Variants in ECE2 observed in about 807,000 individuals in gnomAD.
ECE2 encodes endothelin converting enzyme 2, also known as endothelin-converting enzyme 2.
A neutral mutation model predicts 100.6 loss-of-function variants in ECE2; 81 were observed. The ratio of observed to expected loss-of-function variants is 0.81; its 90% CI spans 0.67 to 0.97. The LOEUF is 0.97. ECE2 is among the 50% of genes least tolerant of loss of function. The pLI is 0.00. For synonymous variants in ECE2, 391 were observed against 391.5 expected (o/e 1.00, Z 0.02); for missense variants, 911 against 988.1 (o/e 0.92, Z 1.05).
At position 184,277,387 on chromosome 3, in the gene ECE2, C is replaced by G; in HGVS notation, c.399C>G (p.Pro133=). ...FSCGGWIRRN[P]LPDGRSRWNT... is the part of the protein sequence containing the mutation. ...GTGGGGGCTGGATTCGGAGGAACCCCCTGCCCGATGGGCGTTCTCGCTGGA... is the reference window on the plus strand; with the variant it reads ...GTGGGGGCTGGATTCGGAGGAACCCGCTGCCCGATGGGCGTTCTCGCTGGA... Residue 133 remains proline, a synonymous_variant, in exon 4 of 19, where the codon CCC becomes CCG. Coordinates refer to ENST00000404464, the MANE Select transcript of ECE2 (RefSeq NM_001100121.2). 1.2e-6 allele frequency: 2 copies of G among 1,614,232 alleles called. No homozygotes were observed. The highest frequency in any genetic ancestry group is 3.3e-5 in the Admixed American group (2 of 60,036).
At chr3:184,288,036 C>T (rs937943771) in intron 11 of ECE2, 89 bp downstream of exon 11, 12 of 1,243,308 alleles carry the variant, frequency 9.7e-6, no homozygotes, top group South Asian at 2.6e-5. Flanking sequence ...GGGAGCCAGG[C>T]GCGGTGGCTC....
intron 7 of ECE2, among the ~76,000 whole-genome samples, chr3:184,280,800 G>A (rs1720785981): frequency 6.6e-6 from 1 of 152,070 alleles, no homozygotes; most frequent in South Asian, 2.1e-4. Flanking sequence ...CTAACATGGT[G>A]AAACCCCATC....
At position 184,292,156 on chromosome 3, in the gene ECE2, C is replaced by G. The variant is rs1417891702; in HGVS notation, c.2216C>G (p.Ser739Cys). ...PARFRVLGTL[S>C]NSRDFLRHFG... Reference sequence around the variant, plus strand: ...CGCTTCCGCGTGCTGGGCACTCTCTCCAACTCCCGTGACTTCCTGCGGCAC... The same window carrying G: ...CGCTTCCGCGTGCTGGGCACTCTCTGCAACTCCCGTGACTTCCTGCGGCAC... The change falls in exon 19 of 19, where the codon TCC becomes TGC. Residue 739 changes from serine to cysteine, a missense_variant. Transcript: ENST00000404464. 4 of 1,614,026 alleles carry G rather than the reference C, an allele frequency of 2.5e-6. No individual in the cohort carries two copies. The African/African-American group carries it at 5.3e-5, about 22-fold the overall frequency.
Position 184,285,121 on chromosome 3 carries a change from A to G in ECE2, c.1148+16A>G. ...CGGAACCAAGGTGTGGGGGTAGCCCAGGGTGAGGGTGGGTTCTGTGGAGGT... is the reference window on the plus strand; with the variant it reads ...CGGAACCAAGGTGTGGGGGTAGCCCGGGGTGAGGGTGGGTTCTGTGGAGGT... On this transcript the variant is annotated intron_variant, in intron 9 of 18. Transcript: ENST00000404464. 1.9e-6 allele frequency: 3 copies of G among 1,611,362 alleles called. No individual in the cohort carries two copies. Among genetic ancestry groups the G allele is most frequent in the South Asian group, 2.2e-5 (2 of 90,618 alleles).
chr3:184,288,277 T>G (rs1577144879), intron 11 of ECE2, among the ~76,000 whole-genome samples: 2 of 121,090 alleles, frequency 1.7e-5, no homozygotes, highest in South Asian at 5.6e-4. Context: ...GCCAGTGCAC[T>G]CCAGCCTGGG....
In ECE2 at chr3:184,291,976, T is replaced by A; in HGVS notation, c.2122-86T>A. ...TGGGAGGGGCTGCAGCGGTGGTGGT[T>A]TGTGCCCCTGGGATGGCTGTAGCTG... On this transcript the variant is annotated intron_variant, in intron 18 of 18. Coordinates refer to ENST00000404464, the MANE Select transcript of ECE2 (RefSeq NM_001100121.2). The surrounding 1 kb of genome is among the most constrained non-coding windows in gnomAD (Gnocchi z 4.1). 1 of 1,478,226 alleles carries A rather than the reference T, an allele frequency of 6.8e-7. No individual in the cohort carries two copies. The highest frequency in any genetic ancestry group is 2.3e-5 in the East Asian group (1 of 43,584). The allele number at this position is 1,478,226 out of a possible 1,614,324, so 91.6% of individuals were successfully genotyped here. A position where few individuals can be genotyped will look rare whatever the true frequency, so the allele number is the denominator to read the frequency against.
At chr3:184,288,007 A>G in intron 11 of ECE2, 60 bp downstream of exon 11, 1 of 1,521,686 alleles carries the variant, frequency 6.6e-7, no homozygotes, top group South Asian at 1.1e-5. Flanking sequence ...ATGTATGTGC[A>G]GACATATAGA....
rs1198145968 is a variant in ECE2, at chr3:184,291,764, G to A, written c.2122-298G>A. The A allele has an allele frequency of 9.7e-6, 5 of 514,972 alleles. No individual in the cohort carries two copies. The highest frequency in any genetic ancestry group is 3.0e-5 in the East Asian group (1 of 33,484). 31.9% of individuals were successfully genotyped at this position (514,972 alleles called of 1,614,324 possible). A position where few individuals can be genotyped will look rare whatever the true frequency, so the allele number is the denominator to read the frequency against. ...CTGTTCCTGTGAGGGAGACATGCAG[G>A]AAACGAAAGCTCGGGACGCAGAGTG... On this transcript the variant is annotated intron_variant, in intron 18 of 18. Coordinates refer to ENST00000404464, the MANE Select transcript of ECE2 (RefSeq NM_001100121.2). This position sits in a 1 kb window ranked among gnomAD's most constrained non-coding sequence, Gnocchi z 4.1.
At position 184,291,397 on chromosome 3, in the gene ECE2, G is replaced by C. The variant is rs756266446; in HGVS notation, c.2079G>C (p.Val693=). The C allele has an allele frequency of 1.9e-6, 3 of 1,607,064 alleles. 1 individual carries two copies. The South Asian group carries it at 3.3e-5, about 18-fold the overall frequency. Residue 693 remains valine (V), a synonymous_variant, in exon 18 of 19, where the codon GTG becomes GTC. Coordinates refer to ENST00000404464, the MANE Select transcript of ECE2 (RefSeq NM_001100121.2). The surrounding 1 kb of genome is among the most constrained non-coding windows in gnomAD (Gnocchi z 4.1). ...GGGAGGAGCAGCAACTGCCAGCCGTGGGGCTCACCAACCACCAGCTCTTCT... is the reference window on the plus strand; with the variant it reads ...GGGAGGAGCAGCAACTGCCAGCCGTCGGGCTCACCAACCACCAGCTCTTCT... The part of the protein sequence containing the change: ...KHGEEQQLPA[V]GLTNHQLFFV...
intron 10 of ECE2, among the ~76,000 whole-genome samples, chr3:184,287,039 C>T (rs1421776607): frequency 6.6e-6 from 1 of 151,784 alleles, no homozygotes; most frequent in Admixed American, 6.6e-5. Context: ...TTTGGGAGGT[C>T]AAGGTGGGCG....
intron 2 of ECE2, 98 bp downstream of exon 2, chr3:184,276,665 C>T (rs1350438987): frequency 7.7e-6 from 12 of 1,564,262 alleles, no homozygotes; most frequent in Admixed American, 5.7e-5. Context: ...GTCACCTGCC[C>T]CCACCTCCGC....
intron 7 of ECE2, among the ~76,000 whole-genome samples, chr3:184,281,049 G>A (rs1720797495): frequency 6.6e-6 from 1 of 152,050 alleles, no homozygotes; most frequent in African/African-American, 2.4e-5. Flanking sequence ...GACAGGAGGA[G>A]GACAGAGAAA....
intron 6 of ECE2, 89 bp downstream of exon 6, chr3:184,278,402 C>A (rs1365490952): frequency 3.2e-6 from 5 of 1,580,056 alleles, no homozygotes; most frequent in South Asian, 2.3e-5. Context: ...GCTGGGCTGA[C>A]CCCCCGGCCC....
Position 184,278,800 on chromosome 3 carries a change from C to T in ECE2, c.816+243C>T, listed in dbSNP as rs1577135181. The T allele has an allele frequency of 9.1e-6, 5 of 549,426 alleles. No homozygotes were observed. The South Asian group carries it at 1.2e-4, about 13-fold the overall frequency. The allele number at this position is 549,426 out of a possible 1,614,324, so 34.0% of individuals were successfully genotyped here. A position where few individuals can be genotyped will look rare whatever the true frequency, so the allele number is the denominator to read the frequency against. ...ATAGACACCTACTGTGTGCCAGGTCCAGTGGGGGAATTCTGAGATATAAGT... is the reference window on the plus strand; with the variant it reads ...ATAGACACCTACTGTGTGCCAGGTCTAGTGGGGGAATTCTGAGATATAAGT... On this transcript the variant is annotated intron_variant, in intron 7 of 18. Transcript: ENST00000404464.
chr3:184,277,845 A>C, intron 4 of ECE2, 80 bp from the exon 5 acceptor site: 2 of 1,566,336 alleles, frequency 1.3e-6, no homozygotes, highest in Non-Finnish European at 1.7e-6. Context: ...CAAGGCAAGG[A>C]GAGAAACCGA....
intron 7 of ECE2, among the ~76,000 whole-genome samples, chr3:184,281,920 G>A (rs1054121259): frequency 4.6e-5 from 7 of 152,322 alleles, no homozygotes; most frequent in Middle Eastern, 3.4e-3. Context: ...CCAACATGGC[G>A]AAACACTGTC....
rs997383562 is a variant in ECE2 at position 184,284,070 on chromosome 3, C to T, written c.1005+97C>T. ...TGCCATCTCCCCAAGGCAGCCAGTC[C>T]TTTCCTCATTCCCTTGCTTTTCTGT... On this transcript the variant is annotated intron_variant, in intron 8 of 18. Coordinates refer to ENST00000404464, the MANE Select transcript of ECE2 (RefSeq NM_001100121.2). The T allele has an allele frequency of 2.8e-6, 4 of 1,425,034 alleles. No individual in the cohort carries two copies. In the African/African-American group the frequency reaches 4.2e-5, roughly 15 times the overall value. The allele number at this position is 1,425,034 out of a possible 1,614,324, so 88.3% of individuals were successfully genotyped here.
At chr3:184,279,832 C>T (rs1306474248) in intron 7 of ECE2, among the ~76,000 whole-genome samples, 1 of 151,984 alleles carries the variant, frequency 6.6e-6, no homozygotes, top group Middle Eastern at 3.2e-3. Context: ...CTGTAGCTCC[C>T]GGAGAGCCAT....
At chr3:184,285,626 C>A in intron 10 of ECE2, 34 bp downstream of exon 10, 1 of 1,455,550 alleles carries the variant, frequency 6.9e-7, no homozygotes, top group Non-Finnish European at 9.7e-7. Context: ...ACGTTCTGAT[C>A]CAGTCTAACC....
Sources: gnomAD v4.1 joint callset for allele counts (sites outside exome capture counted in the v4.1 genomes callset) on GRCh38, gnomAD v4.1.1 for gene constraint, Gnocchi (gnomAD v3.1) non-coding constraint, MANE v1.5 for transcripts, NCBI Gene and HGNC (gene_info 2026-07-23, HGNC 2026-07-21) for gene names.